SREK1: variants seen among roughly 807,000 people sequenced by gnomAD.
SREK1 encodes the protein splicing regulatory glutamic acid and lysine rich protein 1, also known as splicing regulatory glutamine/lysine-rich protein 1.
SREK1 carries 13 observed loss-of-function variants against 66.5 expected under a neutral mutation model. That is an observed-to-expected ratio of 0.20 (90% CI 0.13 to 0.31). The LOEUF (loss-of-function observed/expected upper bound fraction) is 0.31, where lower values mean the gene tolerates loss of function less well. SREK1 is among the 10% of genes least tolerant of loss of function. The probability of loss-of-function intolerance (pLI) is 1.00; values close to 1 mark genes in which losing one functional copy is unlikely to be tolerated. For synonymous variants in SREK1, 265 were observed against 263.5 expected (o/e 1.01, Z -0.05); for missense variants, 607 against 769.6 (o/e 0.79, Z 2.50).
At chr5:66,144,659 C>A in intron 1 of SREK1, 122 bp downstream of exon 1, 1 of 1,416,450 alleles carries the variant, frequency 7.1e-7, no homozygotes, top group Non-Finnish European at 9.2e-7. Context: ...GCCGGCTTAC[C>A]TTGGTGCCCA....
Position 66,170,918 on chromosome 5 carries a change from T to C in SREK1, c.1455T>C (p.Asn485=). ...CCAGAACACCACCCAGGAGTTACAATGCATCGCGAAGATCTCGTAGTTCCA... is the reference window on the plus strand; with the variant it reads ...CCAGAACACCACCCAGGAGTTACAACGCATCGCGAAGATCTCGTAGTTCCA... ...KKSRTPPRSY[N]ASRRSRSSSR... Residue 485 remains asparagine, a synonymous_variant, in exon 9 of 12, where the codon AAT becomes AAC. Transcript: ENST00000334121. The C allele has an allele frequency of 6.2e-7, 1 of 1,608,968 alleles. No individual in the cohort carries two copies. Among genetic ancestry groups the C allele is most frequent in the Non-Finnish European group, 8.5e-7 (1 of 1,178,602 alleles).
Position 66,144,319 on chromosome 5 carries a change from C to G in SREK1, c.-58C>G, listed in dbSNP as rs925635644. On this transcript the variant is annotated 5_prime_UTR_variant, in exon 1 of 12. Transcript: ENST00000334121. ...CCGCGCGTTCTCCGCTTTCCCGGCTCCGTCGCTGACGCGTCGTAGACGTTG... is the reference window on the plus strand; with the variant it reads ...CCGCGCGTTCTCCGCTTTCCCGGCTGCGTCGCTGACGCGTCGTAGACGTTG... 1 of 1,371,236 alleles carries G rather than the reference C, an allele frequency of 7.3e-7. No homozygotes were observed. Among genetic ancestry groups the G allele is most frequent in the Non-Finnish European group, 9.8e-7 (1 of 1,016,858 alleles). The allele number at this position is 1,371,236 out of a possible 1,614,324, so 84.9% of individuals were successfully genotyped here. A position where few individuals can be genotyped will look rare whatever the true frequency, so the allele number is the denominator to read the frequency against.
chr5:66,148,725 G>A lies in SREK1; in HGVS notation c.161+4188G>A, dbSNP rs114073242. 5.9e-3 allele frequency among the ~76,000 whole-genome samples: 905 copies of A among 152,258 alleles called. 13 individuals carry two copies. The highest frequency in any genetic ancestry group is 0.021 in the African/African-American group (869 of 41,532). On this transcript the variant is annotated intron_variant, in intron 1 of 11. Coordinates refer to ENST00000334121, the MANE Select transcript of SREK1 (RefSeq NM_001077199.3). The stretch of plus-strand genomic sequence containing the variant: ...AGTCCGCCTGCTTTGGCATCCTAAA[G>A]TGCTGGGGTGACAGATGTGAGCCAC...
chr5:66,162,315 T>TAAGGG, intron 4 of SREK1, 42 bp downstream of exon 4: 1 of 1,607,872 alleles, frequency 6.2e-7, no homozygotes, highest in Non-Finnish European at 8.5e-7. Flanking sequence ...TAGCCCTTAT[T>TAAGGG]CTTTTTCTCT....
chr5:66,145,085 G>T (rs1409072901), intron 1 of SREK1: 1 of 985,600 alleles, frequency 1.0e-6, no homozygotes, highest in African/African-American at 1.7e-5. Flanking sequence ...CTAACCGAGC[G>T]CATCCATGTT....
chr5:66,178,104 A>G (rs191663637), intron 11 of SREK1, among the ~76,000 whole-genome samples: 5 of 152,210 alleles, frequency 3.3e-5, no homozygotes, highest in African/African-American at 1.2e-4. Context: ...GTAGTTGTGA[A>G]TTAAGTTACT....
chr5:66,175,446 G>A (rs995589806), intron 10 of SREK1, among the ~76,000 whole-genome samples: 7 of 152,064 alleles, frequency 4.6e-5, no homozygotes, highest in East Asian at 3.9e-4. Flanking sequence ...TTATAATTGC[G>A]TAGGCTTCCG....
Position 66,149,451 on chromosome 5 carries a change from A to T in SREK1, c.162-4012A>T, listed in dbSNP as rs530452029. On this transcript the variant is annotated intron_variant, in intron 1 of 11. Coordinates refer to ENST00000334121, the MANE Select transcript of SREK1 (RefSeq NM_001077199.3). ...TGATGATGCTGTTCAGAACAGACCA[A>T]CATTTTTTTAACCAGTTCCCAGGCT... Among the ~76,000 whole-genome samples, 647 of 152,352 alleles carry T rather than the reference A, an allele frequency of 4.2e-3. 4 individuals carry two copies. Among genetic ancestry groups the T allele is most frequent in the African/African-American group, 0.014 (596 of 41,572 alleles).
intron 7 of SREK1, chr5:66,166,621 C>T (rs546400124): frequency 7.2e-5 from 11 of 152,148 alleles, no homozygotes; most frequent in South Asian, 2.1e-4. Flanking sequence ...AGACACGCAC[C>T]ACCACGCCTG....
chr5:66,144,599 G>A, intron 1 of SREK1, 62 bp downstream of exon 1: 1 of 1,493,366 alleles, frequency 6.7e-7, no homozygotes. Flanking sequence ...GGGAGCCGAG[G>A]CGTGGAGGAG....
chr5:66,146,466 A>C (rs1444114838), intron 1 of SREK1, among the ~76,000 whole-genome samples: 1 of 152,188 alleles, frequency 6.6e-6, no homozygotes, highest in East Asian at 1.9e-4. Flanking sequence ...AGAGAATAAA[A>C]AGTTCTTCAC....
intron 2 of SREK1, among the ~76,000 whole-genome samples, chr5:66,155,539 A>T (rs1389872026): frequency 6.6e-6 from 1 of 152,252 alleles, no homozygotes; most frequent in South Asian, 2.1e-4. Context: ...AAAGAAAAGT[A>T]TTCCAGTGGA....
At chr5:66,159,089 T>G (rs961057343) in intron 2 of SREK1, 130 bp from the exon 3 acceptor site, 1 of 1,432,426 alleles carries the variant, frequency 7.0e-7, no homozygotes, top group Non-Finnish European at 9.1e-7. Flanking sequence ...TATTTATTTC[T>G]TTATACAGAT....
chr5:66,164,517 A>G, intron 6 of SREK1: 3 of 1,282,556 alleles, frequency 2.3e-6, no homozygotes, highest in South Asian at 1.3e-5. Context: ...TGTCACAGGA[A>G]TTACAGACAT....
intron 9 of SREK1, among the ~76,000 whole-genome samples, chr5:66,173,185 C>CT (rs1561515677): frequency 6.6e-6 from 1 of 151,996 alleles, no homozygotes; most frequent in East Asian, 1.9e-4. Context: ...TTCAAATGTT[C>CT]TGATTTGTTT....
At chr5:66,166,445 A>G (rs1462533560) in intron 7 of SREK1, 1 of 152,094 alleles carries the variant, frequency 6.6e-6, no homozygotes, top group East Asian at 1.9e-4. Context: ...ATGTCTGCGT[A>G]GCATTAGAAA....
intron 10 of SREK1, among the ~76,000 whole-genome samples, chr5:66,175,755 C>A (rs569281543): frequency 6.6e-6 from 1 of 152,158 alleles, no homozygotes; most frequent in East Asian, 1.9e-4. Flanking sequence ...ATTTCTTTTT[C>A]TGCGAATTGT....
rs1407227876 is a variant in SREK1 at position 66,181,583 on chromosome 5, T to C, written c.*2715T>C. 6.6e-6 allele frequency: 1 copy of C among 152,216 alleles called. No individual in the cohort carries two copies. Among genetic ancestry groups the C allele is most frequent in the African/African-American group, 2.4e-5 (1 of 41,462 alleles). The allele number at this position is 152,216 out of a possible 1,614,324, so 9.4% of individuals were successfully genotyped here. ...AAGTTGTAGTTGCTATTTATCATTG[T>C]AGACAAATTCTGTTGCCTTTCAGCA... is the stretch of plus-strand genomic sequence containing the variant. On this transcript the variant is annotated 3_prime_UTR_variant, in exon 12 of 12. Transcript: ENST00000334121.
intron 1 of SREK1, among the ~76,000 whole-genome samples, chr5:66,152,741 T>C (rs573278498): frequency 3.3e-5 from 5 of 152,362 alleles, no homozygotes; most frequent in East Asian, 3.9e-4. Context: ...TAATTATGGA[T>C]AGGCTGACAA....
Sources: allele counts gnomAD v4.1 joint callset (sites outside exome capture counted in the v4.1 genomes callset), GRCh38; gene constraint gnomAD v4.1.1; transcripts MANE v1.5; gene names NCBI Gene and HGNC (gene_info 2026-07-23, HGNC 2026-07-21).